NRXN3: variants seen among roughly 807,000 people sequenced by gnomAD.
The protein encoded by NRXN3 is neurexin 3, also known as neurexin III.
In NRXN3, 32 loss-of-function variants were observed where a neutral mutation model predicts 137.6. That is an observed-to-expected ratio of 0.23 (90% CI 0.18 to 0.31). The LOEUF is 0.31. Among genes scored for constraint, NRXN3 ranks in the 10% least tolerant of loss-of-function variants. The pLI is 1.00. For synonymous variants in NRXN3, 798 were observed against 784.5 expected, an observed-to-expected ratio of 1.02 and a Z score of -0.29; for missense variants, 1,574 against 2,062.5, an observed-to-expected ratio of 0.76 and a Z score of 4.59.
chr14:78,516,146 A>G (rs936981410), intron 4 of NRXN3, among the ~76,000 whole-genome samples: 4 of 152,014 alleles, frequency 2.6e-5, no homozygotes, highest in Non-Finnish European at 5.9e-5. Context: ...CATGTTCACC[A>G]ACAGCCAATG....
chr14:78,929,915 T>C (rs1432857227), intron 10 of NRXN3, among the ~76,000 whole-genome samples: 1 of 152,218 alleles, frequency 6.6e-6, no homozygotes, highest in Non-Finnish European at 1.5e-5. Flanking sequence ...AGCTACATGA[T>C]ATTTTTTGTG....
chr14:79,340,211 GAA>G (rs1489096776), intron 15 of NRXN3, among the ~76,000 whole-genome samples: 2 of 151,652 alleles, frequency 1.3e-5, no homozygotes, highest in East Asian at 3.9e-4. Flanking sequence ...GAGAGAGAGA[GAA>G]AGAGATACAG....
intron 20 of NRXN3, among the ~76,000 whole-genome samples, chr14:79,849,218 A>G (rs2099386767): frequency 6.6e-6 from 1 of 152,180 alleles, no homozygotes; most frequent in African/African-American, 2.4e-5. Flanking sequence ...TGCTTCCCAA[A>G]AGTCCATTCT....
chr14:78,179,428 A>G (rs1244338346), intron 1 of NRXN3, among the ~76,000 whole-genome samples: 1 of 152,200 alleles, frequency 6.6e-6, no homozygotes, highest in Non-Finnish European at 1.5e-5. Context: ...TATTTTTTCC[A>G]ATAATGTGTT....
At chr14:79,483,239 T>TA (rs2096625098) in intron 16 of NRXN3, among the ~76,000 whole-genome samples, 1 of 152,234 alleles carries the variant, frequency 6.6e-6, no homozygotes, top group South Asian at 2.1e-4. Flanking sequence ...TCATCACAGA[T>TA]ACTGTTCTGG....
At chr14:79,527,702 G>A (rs916050317) in intron 16 of NRXN3, among the ~76,000 whole-genome samples, 27 of 151,492 alleles carry the variant, frequency 1.8e-4, no homozygotes, top group African/African-American at 4.6e-4. Flanking sequence ...GTGAAACCCC[G>A]TCTCTACTAA....
intron 4 of NRXN3, among the ~76,000 whole-genome samples, chr14:78,623,926 T>C (rs898565908): frequency 6.6e-6 from 1 of 152,202 alleles, no homozygotes; most frequent in Non-Finnish European, 1.5e-5. Flanking sequence ...CATTCTGTAG[T>C]AGATACCATT....
intron 16 of NRXN3, among the ~76,000 whole-genome samples, chr14:79,528,635 A>G (rs964763186): frequency 7.4e-5 from 11 of 148,264 alleles, no homozygotes; most frequent in Admixed American, 2.1e-4. Context: ...TTTGTTTAAC[A>G]TTATGTTCTA....
At chr14:79,656,799 G>A (rs2098508536) in intron 16 of NRXN3, among the ~76,000 whole-genome samples, 1 of 152,114 alleles carries the variant, frequency 6.6e-6, no homozygotes, top group Non-Finnish European at 1.5e-5. Context: ...CAGGGGAGAG[G>A]TGGATGTAAC....
intron 4 of NRXN3, among the ~76,000 whole-genome samples, chr14:78,495,844 A>G (rs560393761): frequency 4.9e-4 from 75 of 152,214 alleles, no homozygotes; most frequent in Non-Finnish European, 9.4e-4. Context: ...ATCAGTCTGA[A>G]CAGACTCTTT....
At chr14:78,973,451 G>A (rs2099451373) in intron 14 of NRXN3, among the ~76,000 whole-genome samples, 1 of 152,002 alleles carries the variant, frequency 6.6e-6, no homozygotes, top group South Asian at 2.1e-4. Context: ...AATATTTCTG[G>A]GCATTTGGGA....
At chr14:79,434,479 A>T (rs984235938) in intron 15 of NRXN3, among the ~76,000 whole-genome samples, 9 of 152,256 alleles carry the variant, frequency 5.9e-5, no homozygotes, top group Non-Finnish European at 1.3e-4. Context: ...GGGTCAGGAA[A>T]GCAAAAAGGC....
At chr14:78,489,838 G>T (rs894272276) in intron 4 of NRXN3, among the ~76,000 whole-genome samples, 10 of 152,028 alleles carry the variant, frequency 6.6e-5, no homozygotes, top group African/African-American at 2.2e-4. Context: ...CCAAGATGAG[G>T]CATGGTGGTG....
At chr14:78,997,652 A>G (rs368442156) in intron 15 of NRXN3, among the ~76,000 whole-genome samples, 3 of 152,244 alleles carry the variant, frequency 2.0e-5, no homozygotes, top group African/African-American at 4.8e-5. Context: ...GAAGGAAGAG[A>G]TCATTTTTTG....
chr14:78,300,350 G>A (rs2076758763), intron 4 of NRXN3, among the ~76,000 whole-genome samples: 1 of 152,218 alleles, frequency 6.6e-6, no homozygotes, highest in African/African-American at 2.4e-5. Context: ...ACTTTTGCAT[G>A]CAGACTTTGT....
chr14:79,470,702 A>G (rs562326352), intron 16 of NRXN3, among the ~76,000 whole-genome samples: 9 of 152,294 alleles, frequency 5.9e-5, no homozygotes, highest in Non-Finnish European at 1.0e-4. Context: ...AAGGGATTAC[A>G]TGGGGGCAAA....
At chr14:79,126,999 T>C (rs2056620733) in intron 15 of NRXN3, among the ~76,000 whole-genome samples, 1 of 152,234 alleles carries the variant, frequency 6.6e-6, no homozygotes, top group South Asian at 2.1e-4. Flanking sequence ...GTTCATGTCC[T>C]TTGCCCACTT....
chr14:79,246,037 A>G (rs929229432), intron 15 of NRXN3, among the ~76,000 whole-genome samples: 1 of 152,200 alleles, frequency 6.6e-6, no homozygotes, highest in Non-Finnish European at 1.5e-5. Flanking sequence ...CCAGAAGAGG[A>G]AAACAAACCA....
At chr14:79,273,818 C>T (rs1386025837) in intron 15 of NRXN3, among the ~76,000 whole-genome samples, 2 of 151,910 alleles carry the variant, frequency 1.3e-5, no homozygotes, top group South Asian at 2.1e-4. Context: ...AAGATCGAGC[C>T]GGGCATGATG....
Sources: allele counts gnomAD v4.1 joint callset (sites outside exome capture counted in the v4.1 genomes callset), GRCh38; gene constraint gnomAD v4.1.1; transcripts MANE v1.5; gene names NCBI Gene and HGNC (gene_info 2026-07-23, HGNC 2026-07-21).